The following MOV10L1 variants were observed in gnomAD, a reference collection of about 807,000 sequenced individuals.
MOV10L1 encodes Mov10 like RNA helicase 1, also known as RNA helicase Mov10l1.
In MOV10L1, 110 loss-of-function variants were observed where a neutral mutation model predicts 143.8. The observed-to-expected ratio is 0.76, with a 90% CI of 0.66 to 0.90. MOV10L1 has a LOEUF of 0.90. MOV10L1 is among the 40% of genes least tolerant of loss of function. MOV10L1 has a pLI of 0.00. For synonymous variants in MOV10L1, 593 were observed against 581.1 expected, an observed-to-expected ratio of 1.02 and a Z score of -0.29; for missense variants, 1,406 against 1,526.8, an observed-to-expected ratio of 0.92 and a Z score of 1.32.
In MOV10L1 at chr22:50,115,403, A is replaced by G. The variant is rs138766606; in HGVS notation, c.1259+157A>G. 4.6e-4 allele frequency among the ~76,000 whole-genome samples: 70 copies of G among 152,196 alleles called. 1 individual carries two copies. The East Asian group carries it at 8.9e-3, about 19-fold the overall frequency. On this transcript the variant is annotated intron_variant, in intron 8 of 26. Transcript: ENST00000262794. ...ACCATGGCGAAACCCCGCCTCTACTAAAAATACAAAAATTACTTGGGCCCC... is the reference window on the plus strand; with the variant it reads ...ACCATGGCGAAACCCCGCCTCTACTGAAAATACAAAAATTACTTGGGCCCC...
At chr22:50,105,315 G>A (rs543288168) in intron 3 of MOV10L1, among the ~76,000 whole-genome samples, 2 of 152,296 alleles carry the variant, frequency 1.3e-5, no homozygotes, top group South Asian at 2.1e-4. Flanking sequence ...CATCAAGTAA[G>A]TTGTCTCTGT....
At chr22:50,133,275 CTTATT>C (rs2062728517) in intron 13 of MOV10L1, among the ~76,000 whole-genome samples, 1 of 151,402 alleles carries the variant, frequency 6.6e-6, no homozygotes, top group Non-Finnish European at 1.5e-5. Flanking sequence ...GAGATAGATT[CTTATT>C]TTAGTGAGTT....
chr22:50,149,145 C>T (rs965882203), intron 19 of MOV10L1, among the ~76,000 whole-genome samples: 3 of 152,228 alleles, frequency 2.0e-5, no homozygotes, highest in Non-Finnish European at 2.9e-5. Flanking sequence ...CTGTTCTCAG[C>T]GCTTTACAGC....
chr22:50,099,178 A>T (rs1024329586), intron 2 of MOV10L1, among the ~76,000 whole-genome samples: 4 of 152,204 alleles, frequency 2.6e-5, no homozygotes, highest in African/African-American at 7.2e-5. Context: ...TCTTATTAGG[A>T]GGCTTTGGTG....
At position 50,117,106 on chromosome 22, in the gene MOV10L1, C is replaced by T. The variant is rs1461359315; in HGVS notation, c.1260-51C>T. The T allele has an allele frequency of 2.6e-6, 4 of 1,535,244 alleles. No individual in the cohort carries two copies. The East Asian group carries it at 6.8e-5, about 26-fold the overall frequency. On this transcript the variant is annotated intron_variant, in intron 8 of 26. Transcript: ENST00000262794. ...TATGTACAAAGGAAAATTGTGTTGA[C>T]TGCCTATCTTATTTATGACTAAAAC...
In MOV10L1 at chr22:50,108,170, T is replaced by G; in HGVS notation, c.477T>G (p.Ala159=). ...CCTGCAAGGGAGACTGGGTGGAGGCTGAGTACCGGATCCGGCCTGGCACGT... is the reference window on the plus strand; with the variant it reads ...CCTGCAAGGGAGACTGGGTGGAGGCGGAGTACCGGATCCGGCCTGGCACGT... ...FEPCKGDWVE[A]EYRIRPGTWS... The change falls in exon 4 of 27, where the codon GCT becomes GCG. Residue 159 remains alanine, a synonymous_variant. Coordinates refer to ENST00000262794, the MANE Select transcript of MOV10L1 (RefSeq NM_018995.3). The G allele has an allele frequency of 1.2e-6, 2 of 1,614,098 alleles. No homozygotes were observed. The highest frequency in any genetic ancestry group is 1.7e-6 in the Non-Finnish European group (2 of 1,180,016).
At chr22:50,140,754 C>T (rs1013628719) in intron 15 of MOV10L1, among the ~76,000 whole-genome samples, 1 of 149,762 alleles carries the variant, frequency 6.7e-6, no homozygotes, top group Non-Finnish European at 1.5e-5. Flanking sequence ...ACAGAGTCTT[C>T]CTCTGTCCTC....
chr22:50,091,332 C>T (rs549428963), intron 1 of MOV10L1: 17 of 167,544 alleles, frequency 1.0e-4, no homozygotes, highest in Non-Finnish European at 1.8e-4. Context: ...GACTCAGGAC[C>T]GTGGCTGCAG....
chr22:50,135,161 G>A (rs941095393), intron 15 of MOV10L1, among the ~76,000 whole-genome samples: 1 of 151,824 alleles, frequency 6.6e-6, no homozygotes, highest in African/African-American at 2.4e-5. Context: ...CTACAGGCAT[G>A]TGCCATCACA....
chr22:50,134,747 T>G (rs879236052), intron 15 of MOV10L1, 117 bp downstream of exon 15: 1 of 834,620 alleles, frequency 1.2e-6, no homozygotes, highest in East Asian at 2.5e-5. Context: ...GGCTCAGCGA[T>G]GTAACTGTCT....
chr22:50,117,419 C>T (rs2062212153), intron 9 of MOV10L1, 68 bp downstream of exon 9: 1 of 1,532,476 alleles, frequency 6.5e-7, no homozygotes. Flanking sequence ...AGCGGACGTG[C>T]ACTGGCAAGC....
At chr22:50,140,609 G>A (rs1157739762) in intron 15 of MOV10L1, among the ~76,000 whole-genome samples, 1 of 152,152 alleles carries the variant, frequency 6.6e-6, no homozygotes, top group East Asian at 1.9e-4. Flanking sequence ...AAAAGTTTAC[G>A]AGTTTGTGTT....
Position 50,115,177 on chromosome 22 carries a change from C to G in MOV10L1, c.1190C>G (p.Thr397Arg). Reference sequence around the variant, plus strand: ...AACATTCTATCAAGGAAGCAGATGACAGAGCCTGAGCCTGGGGGGCTTGTC... The same window carrying G: ...AACATTCTATCAAGGAAGCAGATGAGAGAGCCTGAGCCTGGGGGGCTTGTC... ...KDNILSRKQM[T>R]EPEPGGLVPP... Residue 397 changes from threonine (T) to arginine (R), a missense_variant, in exon 8 of 27, where the codon ACA becomes AGA. Thr to Arg is a moderately conservative substitution (Grantham distance 71). Coordinates refer to ENST00000262794, the MANE Select transcript of MOV10L1 (RefSeq NM_018995.3). The G allele has an allele frequency of 1.3e-6, 2 of 1,568,118 alleles. No homozygotes were observed. Among genetic ancestry groups the G allele is most frequent in the Non-Finnish European group, 1.7e-6 (2 of 1,164,544 alleles).
At chr22:50,090,481 G>A (rs1245865697) in intron 1 of MOV10L1, 4 of 1,610,190 alleles carry the variant, frequency 2.5e-6, no homozygotes, top group Non-Finnish European at 3.4e-6. Context: ...TCTCCATGTC[G>A]TTCCTCCCTG....
Position 50,128,271 on chromosome 22 carries a change from G to A in MOV10L1, c.1819-145G>A, listed in dbSNP as rs2062569116. 3 of 588,950 alleles carry A rather than the reference G, an allele frequency of 5.1e-6. No individual in the cohort carries two copies. The East Asian group carries it at 8.6e-5, about 17-fold the overall frequency. The allele number at this position is 588,950 out of a possible 1,614,324, so 36.5% of individuals were successfully genotyped here. On this transcript the variant is annotated intron_variant, in intron 12 of 26. Coordinates refer to ENST00000262794, the MANE Select transcript of MOV10L1 (RefSeq NM_018995.3). ...TTCCTCTTGTTTGTATAATCGAATG[G>A]CGTAATGATTTAATCCTTTTCAACT... is the stretch of plus-strand genomic sequence containing the variant.
In MOV10L1 at chr22:50,142,739, C is replaced by T. The variant is rs985096589; in HGVS notation, c.2180-304C>T. On this transcript the variant is annotated intron_variant, in intron 16 of 26. Coordinates refer to ENST00000262794, the MANE Select transcript of MOV10L1 (RefSeq NM_018995.3). The stretch of plus-strand genomic sequence containing the variant: ...TGGTCCCAGCTACCCGGGAGGCTGA[C>T]GTGGGAGGATCGCTTGAGCTCAGGA... 5.9e-5 allele frequency among the ~76,000 whole-genome samples: 9 copies of T among 151,352 alleles called. No individual in the cohort carries two copies. The South Asian group carries it at 1.0e-3, about 18-fold the overall frequency.
intron 7 of MOV10L1, 66 bp from the exon 8 acceptor site, chr22:50,115,048 C>A (rs900459642): frequency 3.1e-5 from 46 of 1,480,418 alleles, no homozygotes; most frequent in Non-Finnish European, 3.9e-5. Flanking sequence ...TTCCACTAAG[C>A]ATGCCAGCAC....
intron 6 of MOV10L1, 81 bp downstream of exon 6, chr22:50,113,869 A>G (rs1402415011): frequency 3.1e-6 from 4 of 1,273,374 alleles, no homozygotes; most frequent in Admixed American, 2.9e-5. Context: ...TGTAAAACCA[A>G]CTTTACTTTG....
chr22:50,137,424 G>C (rs897690111), intron 15 of MOV10L1, among the ~76,000 whole-genome samples: 1 of 152,172 alleles, frequency 6.6e-6, no homozygotes, highest in Non-Finnish European at 1.5e-5. Context: ...GGAAAAATTA[G>C]TGAACTTGAA....
Sources: allele counts gnomAD v4.1 joint callset (sites outside exome capture counted in the v4.1 genomes callset), GRCh38; gene constraint gnomAD v4.1.1; transcripts MANE v1.5; gene names NCBI Gene and HGNC (gene_info 2026-07-23, HGNC 2026-07-21).